VSTM5: variants seen among roughly 807,000 people sequenced by gnomAD.
VSTM5 encodes the protein V-set and transmembrane domain containing 5, also known as V-set and transmembrane domain-containing protein 5.
VSTM5 carries 21 observed loss-of-function variants against 20.3 expected under a neutral mutation model. The ratio of observed to expected loss-of-function variants is 1.03; its 90% CI spans 0.73 to 1.49. The LOEUF (loss-of-function observed/expected upper bound fraction) is 1.49, where lower values mean the gene tolerates loss of function less well. VSTM5 is among the 40% of genes most tolerant of loss of function. The pLI, the probability that VSTM5 is intolerant of heterozygous loss-of-function variation, is 0.00. For synonymous variants in VSTM5, 100 were observed against 102.5 expected (o/e 0.98, Z 0.14); for missense variants, 219 against 250.0 (o/e 0.88, Z 0.84).
chr11:93,844,265 C>T (rs1490159667), intron 1 of VSTM5, among the ~76,000 whole-genome samples: 1 of 152,166 alleles, frequency 6.6e-6, no homozygotes, highest in East Asian at 1.9e-4. Context: ...TGGTGTTCTG[C>T]TTTGAGGCAT....
chr11:93,840,080 A>T (rs1431507323), intron 1 of VSTM5, among the ~76,000 whole-genome samples: 1 of 152,200 alleles, frequency 6.6e-6, no homozygotes, highest in Non-Finnish European at 1.5e-5. Flanking sequence ...CCTGAGAACT[A>T]ACCAGCCCTG....
chr11:93,826,738 ACT>A (rs1399103052), intron 1 of VSTM5, among the ~76,000 whole-genome samples: 3 of 150,060 alleles, frequency 2.0e-5, no homozygotes, highest in African/African-American at 7.4e-5. Flanking sequence ...ATAGTTATAA[ACT>A]CTCCCCTTAA....
chr11:93,842,335 T>G (rs1029487457), intron 1 of VSTM5, among the ~76,000 whole-genome samples: 17 of 152,222 alleles, frequency 1.1e-4, no homozygotes, highest in Admixed American at 2.6e-4. Context: ...GAATAAGCAC[T>G]TGTAAACCTA....
At chr11:93,823,178 G>A (rs1397771556) in intron 1 of VSTM5, among the ~76,000 whole-genome samples, 1 of 146,224 alleles carries the variant, frequency 6.8e-6, no homozygotes, top group Non-Finnish European at 1.5e-5. Context: ...ATTTTCTCTG[G>A]ACCAGAGAAA....
At position 93,847,512 on chromosome 11, in the gene VSTM5, A is replaced by G. The variant is rs139912706; in HGVS notation, c.91+2900T>C. ...TCTGAGGACTGGCCCCAGTGTGTAT[A>G]TGTGTGTGTGTTGGGGGAGCTGACT... On this transcript the variant is annotated intron_variant, in intron 1 of 3. Transcript: ENST00000409977. Among the ~76,000 whole-genome samples the G allele has an allele frequency of 6.3e-3, 952 of 152,182 alleles. 10 individuals carry two copies. Among genetic ancestry groups the G allele is most frequent in the African/African-American group, 0.021 (886 of 41,524 alleles).
intron 1 of VSTM5, among the ~76,000 whole-genome samples, chr11:93,831,015 T>C (rs1455211688): frequency 2.0e-5 from 3 of 152,136 alleles, no homozygotes; most frequent in Admixed American, 2.0e-4. Context: ...CACCCCGGCC[T>C]CCCAAAGTAC....
chr11:93,832,459 T>C (rs1395423879), intron 1 of VSTM5, among the ~76,000 whole-genome samples: 1 of 152,144 alleles, frequency 6.6e-6, no homozygotes, highest in Non-Finnish European at 1.5e-5. Flanking sequence ...TTGGGGAGAA[T>C]GGGTGTCTGG....
intron 1 of VSTM5, chr11:93,827,474 A>G (rs2135731879): frequency 6.6e-6 from 1 of 152,354 alleles, no homozygotes; most frequent in East Asian, 1.9e-4. Context: ...AGTTGAATTA[A>G]TGAGTAACCA....
chr11:93,843,334 A>T (rs376003378), intron 1 of VSTM5, among the ~76,000 whole-genome samples: 1 of 151,884 alleles, frequency 6.6e-6, no homozygotes, highest in East Asian at 1.9e-4. Context: ...ATTCCTCTTG[A>T]TGAATGGTTC....
intron 1 of VSTM5, among the ~76,000 whole-genome samples, chr11:93,823,709 T>C (rs76815965): frequency 0.011 from 1,695 of 152,292 alleles, 32 homozygotes; most frequent in African/African-American, 0.039. Context: ...TTGTCACAAA[T>C]GGCAGGATTT....
chr11:93,826,709 T>G (rs1944241937), intron 1 of VSTM5, among the ~76,000 whole-genome samples: 1 of 152,182 alleles, frequency 6.6e-6, no homozygotes, highest in South Asian at 2.1e-4. Context: ...CGACATCTTT[T>G]TTCTTAATGT....
At chr11:93,830,959 T>C in intron 1 of VSTM5, among the ~76,000 whole-genome samples, 1 of 152,036 alleles carries the variant, frequency 6.6e-6, no homozygotes, top group Admixed American at 6.6e-5. Context: ...GGTTTTGCCA[T>C]GTTGCCCAAG....
chr11:93,824,726 C>CA (rs1409909642), intron 1 of VSTM5, among the ~76,000 whole-genome samples: 1 of 152,112 alleles, frequency 6.6e-6, no homozygotes, highest in Non-Finnish European at 1.5e-5. Context: ...GGGTGTCATC[C>CA]AAAAAGTTAT....
chr11:93,838,214 G>C (rs543813099), intron 1 of VSTM5, among the ~76,000 whole-genome samples: 1 of 152,182 alleles, frequency 6.6e-6, no homozygotes, highest in African/African-American at 2.4e-5. Context: ...GCTCACGCCT[G>C]TAATCCCAGC....
chr11:93,846,853 G>C (rs1311366749), intron 1 of VSTM5, among the ~76,000 whole-genome samples: 1 of 147,354 alleles, frequency 6.8e-6, no homozygotes, highest in Non-Finnish European at 1.5e-5. Context: ...TGCAACCTCT[G>C]CCTCCCGGGT....
In VSTM5 at chr11:93,823,337, A is replaced by T. The variant is rs573720972; in HGVS notation, c.92-2014T>A. On this transcript the variant is annotated intron_variant, in intron 1 of 3. Transcript: ENST00000409977. ...CCGGCCTAGAAAAACTTCTTTAAAA[A>T]TTTTTTTTAAATTTAATTGACAAAT... Among the ~76,000 whole-genome samples the T allele has an allele frequency of 6.8e-4, 104 of 152,090 alleles. No homozygotes were observed. The South Asian group carries it at 7.7e-3, about 11-fold the overall frequency.
chr11:93,831,656 C>T (rs550121804), intron 1 of VSTM5, among the ~76,000 whole-genome samples: 18 of 152,274 alleles, frequency 1.2e-4, no homozygotes, highest in Admixed American at 2.0e-4. Context: ...ACCCAAACAA[C>T]GTAAACAGAT....
In VSTM5 at chr11:93,821,052, G is replaced by T; in HGVS notation, c.363C>A (p.Thr121=). The change falls in exon 2 of 4, where the codon ACC becomes ACA. Residue 121 remains threonine (T), a synonymous_variant. Coordinates refer to ENST00000409977, the MANE Select transcript of VSTM5 (RefSeq NM_001144871.2). ...GGCTGCTCCCCAGGCGCTCCGTCAC[G>T]GTGATGACATAGTAGCCGGAATCCC... The part of the protein sequence containing the change: ...GVRDSGYYVI[T]VTERLGSSQF... 1 of 1,551,740 alleles carries T rather than the reference G, an allele frequency of 6.4e-7. No individual in the cohort carries two copies. The highest frequency in any genetic ancestry group is 1.2e-5 in the South Asian group (1 of 84,064).
intron 1 of VSTM5, among the ~76,000 whole-genome samples, chr11:93,836,129 T>C (rs1944320769): frequency 6.6e-6 from 1 of 152,150 alleles, no homozygotes; most frequent in Non-Finnish European, 1.5e-5. Context: ...GTCCTGTCAA[T>C]TTTACCTCCA....
Sources: gnomAD v4.1 joint callset for allele counts (sites outside exome capture counted in the v4.1 genomes callset) on GRCh38, gnomAD v4.1.1 for gene constraint, MANE v1.5 for transcripts, NCBI Gene and HGNC (gene_info 2026-07-23, HGNC 2026-07-21) for gene names.